TRPM8: variants seen among roughly 807,000 people sequenced by gnomAD.
TRPM8 encodes TRPM8 cationic channel.
TRPM8 carries 110 observed loss-of-function variants against 133.7 expected under a neutral mutation model. The ratio of observed to expected loss-of-function variants is 0.82; its 90% CI spans 0.70 to 0.96. TRPM8 has a LOEUF of 0.96. Among genes scored for constraint, TRPM8 ranks in the 40% least tolerant of loss-of-function variants. The probability of loss-of-function intolerance (pLI) is 0.00; values close to 1 mark genes in which losing one functional copy is unlikely to be tolerated. For synonymous variants in TRPM8, 535 were observed against 532.3 expected (o/e 1.01, Z -0.07); for missense variants, 1,291 against 1,379.5 (o/e 0.94, Z 1.02).
chr2:233,948,907 G>A (rs1242054602), intron 8 of TRPM8, among the ~76,000 whole-genome samples: 1 of 152,194 alleles, frequency 6.6e-6, no homozygotes, highest in Non-Finnish European at 1.5e-5. Flanking sequence ...AGTGGCAGGT[G>A]CCTGTAATCC....
chr2:233,937,752 G>A (rs902674997), intron 4 of TRPM8, among the ~76,000 whole-genome samples: 1 of 152,134 alleles, frequency 6.6e-6, no homozygotes, highest in Non-Finnish European at 1.5e-5. Context: ...CCACACGCAA[G>A]GCAGGCATCC....
chr2:234,014,509 T>C, intron 24 of TRPM8, 53 bp from the exon 25 acceptor site: 2 of 1,199,546 alleles, frequency 1.7e-6, no homozygotes, highest in Non-Finnish European at 2.3e-6. Context: ...AATTTAAAAA[T>C]GAAAGTTGGA....
chr2:233,942,107 T>C (rs1167424801), intron 5 of TRPM8, among the ~76,000 whole-genome samples: 2 of 131,076 alleles, frequency 1.5e-5, no homozygotes, highest in African/African-American at 6.5e-5. Flanking sequence ...TGAGATGGAG[T>C]CTCACTCTGT....
rs11373529 is a variant in TRPM8 at position 233,921,677 on chromosome 2, C to CTTTTTT, written c.-6+4257_-6+4262dup. Among the ~76,000 whole-genome samples, 412 of 106,572 alleles carry CTTTTTT rather than the reference C, an allele frequency of 3.9e-3. 1 individual carries two copies. The highest frequency in any genetic ancestry group is 5.5e-3 in the African/African-American group (146 of 26,492). The allele number at this position is 106,572 out of a possible 152,430, so 69.9% of individuals were successfully genotyped here. ...TTCTTTTTTCTTTTTCTTTTCTTTT[C>CTTTTTT]TTTTTTTTTTTTTTTTTGAGATGGA... On this transcript the variant is annotated intron_variant, in intron 1 of 25. Coordinates refer to ENST00000324695, the MANE Select transcript of TRPM8 (RefSeq NM_024080.5).
In TRPM8 at chr2:233,946,121, C is replaced by T. The variant is rs28901638; in HGVS notation, c.874+91C>T. On this transcript the variant is annotated intron_variant, in intron 7 of 25. Transcript: ENST00000324695. ...AATCACTACCAACTATTGAGTGATG[C>T]GTGAGAAACACACCTGATCAGGTAT... is the stretch of plus-strand genomic sequence containing the variant. 1.1e-3 allele frequency: 1,340 copies of T among 1,229,710 alleles called. 10 individuals are homozygous for T. In the African/African-American group the frequency reaches 0.016, roughly 15 times the overall value. 76.2% of individuals were successfully genotyped at this position (1,229,710 alleles called of 1,614,324 possible). A position where few individuals can be genotyped will look rare whatever the true frequency, so the allele number is the denominator to read the frequency against.
rs776348252 is a variant in TRPM8, at chr2:233,964,768, A to G, written c.1879+11A>G. On this transcript the variant is annotated intron_variant, in intron 14 of 25. Transcript: ENST00000324695. ...AGACCCGGGCTGTTGGTGAGTCCAC[A>G]GTGTGGAATGCTGTGGTGGGCGCGG... 2.2e-5 allele frequency: 35 copies of G among 1,602,790 alleles called. No individual in the cohort carries two copies. The highest frequency in any genetic ancestry group is 2.7e-5 in the Non-Finnish European group (32 of 1,171,872).
intron 17 of TRPM8, among the ~76,000 whole-genome samples, chr2:233,979,534 G>C (rs746943977): frequency 5.3e-5 from 8 of 151,052 alleles, no homozygotes; most frequent in Non-Finnish European, 1.2e-4. Flanking sequence ...TTCCCTCTTC[G>C]GGAAAATGCG....
intron 24 of TRPM8, 27 bp from the exon 25 acceptor site, chr2:234,014,535 T>G: frequency 6.8e-7 from 1 of 1,464,956 alleles, no homozygotes; most frequent in Non-Finnish European, 9.2e-7. Context: ...TATCTTAAGA[T>G]GAGTTCTATT....
At position 233,963,275 on chromosome 2, in the gene TRPM8, C is replaced by T; in HGVS notation, c.1654-7C>T. On this transcript the variant is annotated splice_region_variant and splice_polypyrimidine_tract_variant and intron_variant, in intron 12 of 25. Coordinates refer to ENST00000324695, the MANE Select transcript of TRPM8 (RefSeq NM_024080.5). ...GCACATGCTGACCACATGCTCTAAC[C>T]CCCCAGGACGTGTCTCCTATTACTC... 1 of 1,603,956 alleles carries T rather than the reference C, an allele frequency of 6.2e-7. No homozygotes were observed. Among genetic ancestry groups the T allele is most frequent in the Non-Finnish European group, 8.5e-7 (1 of 1,171,896 alleles).
At chr2:233,970,998 T>C (rs757366429) in intron 17 of TRPM8, among the ~76,000 whole-genome samples, 4 of 152,200 alleles carry the variant, frequency 2.6e-5, no homozygotes, top group Non-Finnish European at 4.4e-5. Flanking sequence ...TAGCAGGCAC[T>C]TGATTAGTAA....
chr2:233,980,743 G>A (rs1413394335), intron 18 of TRPM8, among the ~76,000 whole-genome samples: 4 of 152,128 alleles, frequency 2.6e-5, no homozygotes, highest in Non-Finnish European at 4.4e-5. Flanking sequence ...AGTTACAAGC[G>A]TATTTCCTCA....
chr2:233,970,784 G>T (rs28902187), intron 17 of TRPM8, among the ~76,000 whole-genome samples: 13,425 of 152,168 alleles, frequency 0.088, 1,502 homozygotes, highest in East Asian at 0.39. Context: ...TAAGTGGCAG[G>T]GAGCTGGCAG....
At chr2:233,927,937 T>TC (rs1691596331) in intron 2 of TRPM8, among the ~76,000 whole-genome samples, 1 of 60,750 alleles carries the variant, frequency 1.6e-5, no homozygotes, top group Non-Finnish European at 2.7e-5. Context: ...TCTCTCTCTC[T>TC]CTCTCTCTCT....
intron 4 of TRPM8, among the ~76,000 whole-genome samples, chr2:233,937,843 C>G (rs1690795285): frequency 6.6e-6 from 1 of 152,190 alleles, no homozygotes; most frequent in Non-Finnish European, 1.5e-5. Context: ...GCTCTGCGTA[C>G]TCCTGAGGTA....
At chr2:233,962,811 G>T (rs769110225) in intron 12 of TRPM8, among the ~76,000 whole-genome samples, 1 of 152,208 alleles carries the variant, frequency 6.6e-6, no homozygotes, top group Non-Finnish European at 1.5e-5. Flanking sequence ...ACAGAATGGT[G>T]AATAGGAGCT....
chr2:233,948,608 G>T (rs1264602638), intron 8 of TRPM8, among the ~76,000 whole-genome samples: 14 of 152,234 alleles, frequency 9.2e-5, no homozygotes, highest in African/African-American at 2.7e-4. Flanking sequence ...GGCCTAGGGG[G>T]TAGGGGGAGA....
chr2:233,994,295 C>T (rs1383670796), intron 21 of TRPM8, among the ~76,000 whole-genome samples: 1 of 152,158 alleles, frequency 6.6e-6, no homozygotes, highest in African/African-American at 2.4e-5. Context: ...TTGCTATTAG[C>T]CTCAAAGCAG....
chr2:233,951,851 G>A (rs1268694115), intron 9 of TRPM8, among the ~76,000 whole-genome samples: 1 of 152,184 alleles, frequency 6.6e-6, no homozygotes, highest in Non-Finnish European at 1.5e-5. Flanking sequence ...ATTAATGAAT[G>A]TATACATTCA....
chr2:233,955,015 A>G, intron 10 of TRPM8, 117 bp from the exon 11 acceptor site: 1 of 716,626 alleles, frequency 1.4e-6, no homozygotes, highest in Non-Finnish European at 2.5e-6. Context: ...TCTGAATGTA[A>G]GAGAACATGA....
Sources: gnomAD v4.1 joint callset for allele counts (sites outside exome capture counted in the v4.1 genomes callset) on GRCh38, gnomAD v4.1.1 for gene constraint, MANE v1.5 for transcripts, NCBI Gene and HGNC (gene_info 2026-07-23, HGNC 2026-07-21) for gene names.